CADM2: variants seen among roughly 807,000 people sequenced by gnomAD.
The protein encoded by CADM2 is cell adhesion molecule 2.
Under a neutral mutation model 49.8 loss-of-function variants are expected in CADM2, and 12 were observed. The observed-to-expected ratio is 0.24, with a 90% confidence interval of 0.15 to 0.39. The LOEUF is 0.39. Among genes scored for constraint, CADM2 ranks in the 10% least tolerant of loss-of-function variants. The pLI is 1.00. For synonymous variants in CADM2, 214 were observed against 175.4 expected (o/e 1.22, Z -1.74); for missense variants, 378 against 492.3 (o/e 0.77, Z 2.20).
chr3:85,087,286 T>C (rs1246910040), intron 1 of CADM2, among the ~76,000 whole-genome samples: 2 of 152,252 alleles, frequency 1.3e-5, no homozygotes, highest in East Asian at 1.9e-4. Context: ...AGAATGAGTA[T>C]AGGATAGAAA....
chr3:85,083,364 A>G (rs999918456), intron 1 of CADM2, among the ~76,000 whole-genome samples: 1 of 152,186 alleles, frequency 6.6e-6, no homozygotes, highest in Non-Finnish European at 1.5e-5. Flanking sequence ...TCAATCAAGA[A>G]TATAACATGA....
intron 2 of CADM2, among the ~76,000 whole-genome samples, chr3:85,778,338 A>C (rs1426203607): frequency 1.3e-5 from 2 of 152,090 alleles, no homozygotes; most frequent in African/African-American, 4.8e-5. Context: ...AATTATTCTG[A>C]ATATAACTTA....
At chr3:85,869,318 C>CT (rs992483366) in intron 3 of CADM2, among the ~76,000 whole-genome samples, 28 of 148,572 alleles carry the variant, frequency 1.9e-4, no homozygotes, top group African/African-American at 3.5e-4. Flanking sequence ...TGGAATAAAA[C>CT]TTTTTTTTTT....
Position 85,549,789 on chromosome 3 carries a change from A to ATT in CADM2, c.62-176720_62-176719dup, listed in dbSNP as rs71617942. The stretch of plus-strand genomic sequence containing the variant: ...CAGGCATGTGCCACCATGCTGGGCT[A>ATT]TTTTTTTTTTTTTTGTATTTTTAGT... On this transcript the variant is annotated intron_variant, in intron 1 of 9. Transcript: ENST00000383699. Among the ~76,000 whole-genome samples the ATT allele has an allele frequency of 7.9e-4, 107 of 134,818 alleles. 6 individuals carry two copies. The highest frequency in any genetic ancestry group is 1.0e-3 in the Admixed American group (13 of 13,016). The allele number at this position is 134,818 out of a possible 152,430, so 88.4% of individuals were successfully genotyped here. A position where few individuals can be genotyped will look rare whatever the true frequency, so the allele number is the denominator to read the frequency against.
intron 1 of CADM2, among the ~76,000 whole-genome samples, chr3:85,119,829 G>C (rs1406354132): frequency 6.6e-6 from 1 of 152,146 alleles, no homozygotes; most frequent in Non-Finnish European, 1.5e-5. Flanking sequence ...ATGAATGCTT[G>C]TGAATTTTGC....
intron 2 of CADM2, among the ~76,000 whole-genome samples, chr3:85,739,247 T>A (rs1442825071): frequency 6.6e-6 from 1 of 152,122 alleles, no homozygotes; most frequent in Non-Finnish European, 1.5e-5. Flanking sequence ...TGCTTTGTTG[T>A]TCAAAAGTTC....
chr3:85,714,415 T>A (rs938404340), intron 1 of CADM2, among the ~76,000 whole-genome samples: 3 of 152,060 alleles, frequency 2.0e-5, no homozygotes, highest in Non-Finnish European at 4.4e-5. Flanking sequence ...AAATTTTGTT[T>A]TCTGTTTTTT....
intron 1 of CADM2, among the ~76,000 whole-genome samples, chr3:85,249,480 A>G (rs1408597755): frequency 6.6e-6 from 1 of 152,034 alleles, no homozygotes; most frequent in African/African-American, 2.4e-5. Context: ...GGGATTTAAA[A>G]TGCACAGACT....
intron 8 of CADM2, among the ~76,000 whole-genome samples, chr3:86,037,150 A>AT (rs747391538): frequency 1.3e-5 from 2 of 152,036 alleles, no homozygotes; most frequent in Non-Finnish European, 2.9e-5. Context: ...TTGCTTTTGC[A>AT]TTTTTTTGTA....
At chr3:85,894,049 T>C (rs949474096) in intron 5 of CADM2, among the ~76,000 whole-genome samples, 1 of 152,184 alleles carries the variant, frequency 6.6e-6, no homozygotes, top group African/African-American at 2.4e-5. Context: ...CATGCACACG[T>C]ATGTTTATTG....
At chr3:85,628,977 AT>A (rs1439340589) in intron 1 of CADM2, among the ~76,000 whole-genome samples, 3 of 151,810 alleles carry the variant, frequency 2.0e-5, no homozygotes, top group Non-Finnish European at 1.5e-5. Context: ...TATTATCAAA[AT>A]ATAGTGAAAG....
rs536085319 is a variant in CADM2 at position 85,105,461 on chromosome 3, G to C, written c.61+145793G>C. Among the ~76,000 whole-genome samples, 8 of 152,232 alleles carry C rather than the reference G, an allele frequency of 5.3e-5. No individual in the cohort carries two copies. In the South Asian group the frequency reaches 8.3e-4, roughly 16 times the overall value. ...TCAGGAAACAACAGGTGCTGGAGAGGATGTGGAGAAACAGGAATACTTACA... is the reference window on the plus strand; with the variant it reads ...TCAGGAAACAACAGGTGCTGGAGAGCATGTGGAGAAACAGGAATACTTACA... On this transcript the variant is annotated intron_variant, in intron 1 of 9. Coordinates refer to ENST00000383699, the MANE Select transcript of CADM2 (RefSeq NM_001167675.2).
chr3:85,195,114 T>C (rs887827975), intron 1 of CADM2, among the ~76,000 whole-genome samples: 1 of 152,084 alleles, frequency 6.6e-6, no homozygotes, highest in Non-Finnish European at 1.5e-5. Context: ...ACTCAAAGTC[T>C]TGCATATATA....
At chr3:85,090,356 T>G (rs1040781601) in intron 1 of CADM2, among the ~76,000 whole-genome samples, 1 of 152,178 alleles carries the variant, frequency 6.6e-6, no homozygotes, top group South Asian at 2.1e-4. Flanking sequence ...AGATAAGTAT[T>G]GACATTGACA....
intron 1 of CADM2, among the ~76,000 whole-genome samples, chr3:85,324,763 C>A (rs1225036505): frequency 6.6e-6 from 1 of 152,168 alleles, no homozygotes; most frequent in Non-Finnish European, 1.5e-5. Flanking sequence ...TTTACACTTG[C>A]AGATGTCTTC....
chr3:85,351,559 G>A (rs1576399301), intron 1 of CADM2, among the ~76,000 whole-genome samples: 1 of 152,058 alleles, frequency 6.6e-6, no homozygotes, highest in Middle Eastern at 3.4e-3. Flanking sequence ...TTTGATCTGG[G>A]AACACTCAGG....
intron 8 of CADM2, chr3:86,013,572 T>G (rs1490326575): frequency 1.9e-6 from 3 of 1,601,832 alleles, no homozygotes; most frequent in Non-Finnish European, 2.6e-6. Context: ...CTGTGAGAGC[T>G]GTATTCGAGA....
At chr3:85,093,492 GAA>G (rs1212305148) in intron 1 of CADM2, among the ~76,000 whole-genome samples, 1 of 127,488 alleles carries the variant, frequency 7.8e-6, no homozygotes, top group Non-Finnish European at 1.7e-5. Flanking sequence ...ATCTCAAAAA[GAA>G]AAAAAAAAAA....
At chr3:85,493,770 C>T (rs2039773037) in intron 1 of CADM2, among the ~76,000 whole-genome samples, 1 of 152,124 alleles carries the variant, frequency 6.6e-6, no homozygotes, top group Non-Finnish European at 1.5e-5. Flanking sequence ...CTAAATTAAA[C>T]ATTTAGGTCT....
Sources: gnomAD v4.1 joint callset for allele counts (sites outside exome capture counted in the v4.1 genomes callset) on GRCh38, gnomAD v4.1.1 for gene constraint, MANE v1.5 for transcripts, NCBI Gene and HGNC (gene_info 2026-07-23, HGNC 2026-07-21) for gene names.